The following TRHR variants were observed in gnomAD, a reference collection of about 807,000 sequenced individuals.
TRHR encodes thyrotropin-releasing hormone receptor.
In TRHR, 14 loss-of-function variants were observed where a neutral mutation model predicts 28.0. The ratio of observed to expected loss-of-function variants is 0.50; its 90% CI spans 0.33 to 0.78. The LOEUF is 0.78. TRHR is among the 30% of genes least tolerant of loss of function. The pLI, the probability that TRHR is intolerant of heterozygous loss-of-function variation, is 0.02. For missense variants in TRHR, 438 were observed against 469.5 expected (o/e 0.93, Z 0.62); for synonymous variants, 176 against 171.9 (o/e 1.02, Z -0.18).
At position 109,091,465 on chromosome 8, in the gene TRHR, G is replaced by A. The variant is rs556054824; in HGVS notation, c.789+3164G>A. Reference sequence around the variant, plus strand: ...CAAACCTCCACCTTCTATAGCCAAAGGACTTTAATTTTAATATTTTCTCTG... The same window carrying A: ...CAAACCTCCACCTTCTATAGCCAAAAGACTTTAATTTTAATATTTTCTCTG... On this transcript the variant is annotated intron_variant, in intron 2 of 2. Transcript: ENST00000518632. Among the ~76,000 whole-genome samples, 6 of 152,042 alleles carry A rather than the reference G, an allele frequency of 3.9e-5. 1 individual carries two copies. The highest frequency in any genetic ancestry group is 5.9e-5 in the Non-Finnish European group (4 of 68,002).
chr8:109,112,254 T>C lies in TRHR; in HGVS notation c.790-6794T>C, dbSNP rs570481090. Among the ~76,000 whole-genome samples, 5 of 152,262 alleles carry C rather than the reference T, an allele frequency of 3.3e-5. No individual in the cohort carries two copies. In the East Asian group the frequency reaches 9.7e-4, roughly 29 times the overall value. ...GAGCATGCACAGAACCTTTTCTGAA[T>C]CATATATAGAATCAAAATTCAGAAT... On this transcript the variant is annotated intron_variant, in intron 2 of 2. Transcript: ENST00000518632.
chr8:109,100,095 T>G (rs1811655683), intron 2 of TRHR, among the ~76,000 whole-genome samples: 5 of 152,212 alleles, frequency 3.3e-5, no homozygotes, highest in Admixed American at 3.3e-4. Flanking sequence ...ATTGACACCC[T>G]GCCATGTTTC....
intron 2 of TRHR, among the ~76,000 whole-genome samples, chr8:109,103,067 C>A (rs1811701547): frequency 6.6e-6 from 1 of 152,154 alleles, no homozygotes; most frequent in South Asian, 2.1e-4. Flanking sequence ...ATCCACAGGG[C>A]AGGGATTTCT....
intron 2 of TRHR, among the ~76,000 whole-genome samples, chr8:109,105,157 G>C (rs1399907438): frequency 6.6e-6 from 1 of 152,102 alleles, no homozygotes; most frequent in Non-Finnish European, 1.5e-5. Flanking sequence ...TGACATAAGT[G>C]TAATTTATCC....
chr8:109,094,924 A>G (rs890033363), intron 2 of TRHR, among the ~76,000 whole-genome samples: 2 of 152,026 alleles, frequency 1.3e-5, no homozygotes, highest in Non-Finnish European at 2.9e-5. Flanking sequence ...TCTCTCATTA[A>G]TTCTTCAACA....
intron 2 of TRHR, among the ~76,000 whole-genome samples, chr8:109,118,150 C>T (rs1811946925): frequency 6.6e-6 from 1 of 151,836 alleles, no homozygotes; most frequent in East Asian, 1.9e-4. Context: ...ACAGTAATCC[C>T]AGCCCTGAGA....
chr8:109,100,658 A>G (rs7821463), intron 2 of TRHR, among the ~76,000 whole-genome samples: 88,768 of 152,040 alleles, frequency 0.58, 28,029 homozygotes, highest in African/African-American at 0.83. Context: ...TCACAAAAAC[A>G]TTCACAATCT....
At chr8:109,108,995 A>G (rs1047425230) in intron 2 of TRHR, among the ~76,000 whole-genome samples, 3 of 152,210 alleles carry the variant, frequency 2.0e-5, no homozygotes, top group Non-Finnish European at 4.4e-5. Context: ...TCTAGATGCA[A>G]ATCTTACCTA....
chr8:109,093,400 C>CTTTTTTTTTTTTTTT (rs34645119), intron 2 of TRHR, among the ~76,000 whole-genome samples: 2 of 77,394 alleles, frequency 2.6e-5, no homozygotes, highest in East Asian at 3.9e-4. Flanking sequence ...GTGCTATTTA[C>CTTTTTTTTTTTTTTT]TTTTTTTTTT....
rs1301305314 is a variant in TRHR at position 109,086,830 on chromosome 8, G to A, written c.-142G>A. On this transcript the variant is annotated 5_prime_UTR_variant, in exon 1 of 3. Coordinates refer to ENST00000518632, the MANE Select transcript of TRHR (RefSeq NM_003301.7). ...GATTTTCTGCAAGATTAGAAACTTG[G>A]AACTATTACCACTTCATCTACCCAG... 1 of 152,510 alleles carries A rather than the reference G, an allele frequency of 6.6e-6. No homozygotes were observed. Among genetic ancestry groups the A allele is most frequent in the African/African-American group, 2.4e-5 (1 of 41,398 alleles). The allele number at this position is 152,510 out of a possible 1,614,324, so 9.4% of individuals were successfully genotyped here. A position where few individuals can be genotyped will look rare whatever the true frequency, so the allele number is the denominator to read the frequency against.
At chr8:109,113,928 A>G (rs535265002) in intron 2 of TRHR, among the ~76,000 whole-genome samples, 124 of 152,206 alleles carry the variant, frequency 8.1e-4, no homozygotes, top group African/African-American at 2.9e-3. Context: ...GTTGAACTGC[A>G]TATATAGCCC....
chr8:109,104,876 T>C (rs1012917778), intron 2 of TRHR, among the ~76,000 whole-genome samples: 6 of 152,084 alleles, frequency 3.9e-5, no homozygotes, highest in African/African-American at 1.4e-4. Context: ...TCTCAGCTAC[T>C]TGGAAAGCTG....
intron 2 of TRHR, among the ~76,000 whole-genome samples, chr8:109,092,918 G>A (rs74749604): frequency 0.024 from 3,576 of 150,948 alleles, 143 homozygotes; most frequent in African/African-American, 0.082. Context: ...TTGTTATACC[G>A]CTTTTCTTAT....
At position 109,094,236 on chromosome 8, in the gene TRHR, ATT is replaced by A. The variant is rs35374425; in HGVS notation, c.789+5946_789+5947del. On this transcript the variant is annotated intron_variant, in intron 2 of 2. Coordinates refer to ENST00000518632, the MANE Select transcript of TRHR (RefSeq NM_003301.7). Reference sequence around the variant, plus strand: ...TACTGAGGCTACAGGCTCATCTTTCATTTTTTTTTTTTCATTTTTCAAAATTT... The same window carrying A: ...TACTGAGGCTACAGGCTCATCTTTCATTTTTTTTTTCATTTTTCAAAATTT... Among the ~76,000 whole-genome samples, 39 of 148,124 alleles carry A rather than the reference ATT, an allele frequency of 2.6e-4. No homozygotes were observed. The South Asian group carries it at 3.2e-3, about 12-fold the overall frequency.
intron 2 of TRHR, among the ~76,000 whole-genome samples, chr8:109,104,569 C>T (rs1167889977): frequency 1.3e-5 from 2 of 151,780 alleles, no homozygotes; most frequent in East Asian, 1.9e-4. Flanking sequence ...TAATATAATA[C>T]CTTGTAAATT....
chr8:109,115,459 A>C (rs1409950932), intron 2 of TRHR, among the ~76,000 whole-genome samples: 1 of 152,180 alleles, frequency 6.6e-6, no homozygotes, highest in East Asian at 1.9e-4. Context: ...ATGTTCTTCC[A>C]TTTGTTTGTA....
chr8:109,118,391 G>A (rs1313587483), intron 2 of TRHR, among the ~76,000 whole-genome samples: 1 of 151,862 alleles, frequency 6.6e-6, no homozygotes, highest in East Asian at 1.9e-4. Flanking sequence ...GGAGGGCAAT[G>A]TTGGCTCCAT....
intron 2 of TRHR, among the ~76,000 whole-genome samples, chr8:109,117,256 C>G (rs753224297): frequency 6.6e-6 from 1 of 151,832 alleles, no homozygotes; most frequent in South Asian, 2.1e-4. Flanking sequence ...AGGAGCATGA[C>G]CTTTGTCTTA....
At chr8:109,096,444 A>T (rs1226273441) in intron 2 of TRHR, among the ~76,000 whole-genome samples, 3 of 152,166 alleles carry the variant, frequency 2.0e-5, no homozygotes, top group Admixed American at 2.0e-4. Context: ...AATTGGTAGC[A>T]TGTCTTCCCA....
Sources: allele counts gnomAD v4.1 joint callset (sites outside exome capture counted in the v4.1 genomes callset), GRCh38; gene constraint gnomAD v4.1.1; transcripts MANE v1.5; gene names NCBI Gene and HGNC (gene_info 2026-07-23, HGNC 2026-07-21).